GRM7: variants seen among roughly 807,000 people sequenced by gnomAD.
The protein encoded by GRM7 is metabotropic glutamate receptor 7.
GRM7 carries 35 observed loss-of-function variants against 84.5 expected under a neutral mutation model. The ratio of observed to expected loss-of-function variants is 0.41; its 90% CI spans 0.32 to 0.55. GRM7 has a LOEUF of 0.55. Ranked by LOEUF, GRM7 falls within the 20% of genes least tolerant of loss-of-function variation. GRM7 has a pLI of 0.19. For missense variants in GRM7, 1,003 were observed against 1,194.6 expected, an observed-to-expected ratio of 0.84 and a Z score of 2.36; for synonymous variants, 487 against 455.1, an observed-to-expected ratio of 1.07 and a Z score of -0.89.
intron 4 of GRM7, among the ~76,000 whole-genome samples, chr3:7,399,550 G>A (rs1193153883): frequency 1.3e-5 from 2 of 152,184 alleles, no homozygotes; most frequent in East Asian, 3.9e-4. Context: ...GTTTAGATAT[G>A]GTTTGTTTGG....
chr3:7,154,792 A>C (rs1165969169), intron 2 of GRM7, among the ~76,000 whole-genome samples: 2 of 152,106 alleles, frequency 1.3e-5, no homozygotes, highest in East Asian at 3.9e-4. Context: ...CATTATAATC[A>C]ATAAACTTTA....
At chr3:7,441,197 G>C (rs1229822280) in intron 5 of GRM7, among the ~76,000 whole-genome samples, 5 of 152,038 alleles carry the variant, frequency 3.3e-5, no homozygotes, top group Non-Finnish European at 5.9e-5. Flanking sequence ...GTGTGAGATG[G>C]TATCTAATTA....
At chr3:7,558,539 A>G (rs1280376566) in intron 7 of GRM7, among the ~76,000 whole-genome samples, 1 of 152,162 alleles carries the variant, frequency 6.6e-6, no homozygotes, top group Non-Finnish European at 1.5e-5. Context: ...AAAATAATAA[A>G]TAATAATGGT....
At chr3:7,556,859 A>G (rs2125031752) in intron 7 of GRM7, among the ~76,000 whole-genome samples, 1 of 152,286 alleles carries the variant, frequency 6.6e-6, no homozygotes, top group South Asian at 2.1e-4. Flanking sequence ...GGCAAAAGAA[A>G]GAAAAGCCAT....
At chr3:7,187,365 A>T (rs1180017589) in intron 2 of GRM7, among the ~76,000 whole-genome samples, 2 of 152,182 alleles carry the variant, frequency 1.3e-5, no homozygotes, top group African/African-American at 4.8e-5. Context: ...TTATATTATC[A>T]TCGCTTGTTT....
chr3:7,589,234 C>T (rs73809440), intron 8 of GRM7, among the ~76,000 whole-genome samples: 3,801 of 152,242 alleles, frequency 0.025, 132 homozygotes, highest in African/African-American at 0.081. Context: ...TTTCATGTTG[C>T]AGATCTTGAG....
At chr3:6,872,434 G>A (rs1428933615) in intron 1 of GRM7, among the ~76,000 whole-genome samples, 1 of 152,056 alleles carries the variant, frequency 6.6e-6, no homozygotes, top group East Asian at 1.9e-4. Context: ...TCAGTCTGGA[G>A]TGCAAGGATG....
chr3:7,400,963 T>A lies in GRM7; in HGVS notation c.1034-14060T>A, dbSNP rs199592973. On this transcript the variant is annotated intron_variant, in intron 4 of 9. Transcript: ENST00000357716. ...TCTTAGCCCAGTATAATCATTTAAA[T>A]TTTTTTTTTAGTAAGCATTAGCTGG... Among the ~76,000 whole-genome samples the A allele has an allele frequency of 2.7e-5, 4 of 150,312 alleles. No individual in the cohort carries two copies. The South Asian group carries it at 6.3e-4, about 24-fold the overall frequency.
At chr3:7,049,937 A>G (rs1237038819) in intron 1 of GRM7, among the ~76,000 whole-genome samples, 1 of 151,936 alleles carries the variant, frequency 6.6e-6, no homozygotes, top group Non-Finnish European at 1.5e-5. Flanking sequence ...AGACAAAGCA[A>G]AAACCATACC....
chr3:7,227,243 A>G (rs1207165243), intron 2 of GRM7, among the ~76,000 whole-genome samples: 2 of 152,218 alleles, frequency 1.3e-5, no homozygotes, highest in African/African-American at 4.8e-5. Flanking sequence ...ATTTATATGA[A>G]TCAATGGCAA....
At chr3:7,418,686 T>G (rs1242852318) in intron 5 of GRM7, among the ~76,000 whole-genome samples, 1 of 152,090 alleles carries the variant, frequency 6.6e-6, no homozygotes, top group Non-Finnish European at 1.5e-5. Flanking sequence ...TATGTTTCAA[T>G]GGAGATACTA....
intron 9 of GRM7, among the ~76,000 whole-genome samples, chr3:7,730,217 A>G (rs1377830700): frequency 6.6e-6 from 1 of 151,992 alleles, no homozygotes; most frequent in Non-Finnish European, 1.5e-5. Context: ...CATGTTGGCC[A>G]GGATGGTCTC....
At chr3:7,305,235 C>T (rs898398116) in intron 3 of GRM7, among the ~76,000 whole-genome samples, 3 of 151,992 alleles carry the variant, frequency 2.0e-5, no homozygotes, top group Admixed American at 6.6e-5. Context: ...CTCTTATCTA[C>T]CTTTTACTAT....
At chr3:7,049,681 A>G (rs749776685) in intron 1 of GRM7, among the ~76,000 whole-genome samples, 2 of 151,974 alleles carry the variant, frequency 1.3e-5, no homozygotes, top group Non-Finnish European at 2.9e-5. Flanking sequence ...CTATGGTTCT[A>G]TGAAAAATTA....
intron 2 of GRM7, among the ~76,000 whole-genome samples, chr3:7,161,894 T>A (rs887688709): frequency 6.6e-6 from 1 of 152,226 alleles, no homozygotes; most frequent in African/African-American, 2.4e-5. Context: ...GCTTACATTA[T>A]ATTGGCAGAT....
rs558165263 is a variant in GRM7 at position 7,395,712 on chromosome 3, C to T, written c.1034-19311C>T. Among the ~76,000 whole-genome samples, 107 of 152,252 alleles carry T rather than the reference C, an allele frequency of 7.0e-4. 1 individual carries two copies. The highest frequency in any genetic ancestry group is 2.1e-3 in the African/African-American group (88 of 41,540). ...GTAAGATATGACTTTGCTTCTTATT[C>T]GCTTTCCACCATGATTATGAGGCCT... On this transcript the variant is annotated intron_variant, in intron 4 of 9. Transcript: ENST00000357716.
chr3:7,175,611 C>T (rs1200372939), intron 2 of GRM7, among the ~76,000 whole-genome samples: 1 of 150,212 alleles, frequency 6.7e-6, no homozygotes, highest in Non-Finnish European at 1.5e-5. Flanking sequence ...GATCTCGGCT[C>T]ACTGCAACCT....
At chr3:7,093,307 C>A (rs941934913) in intron 1 of GRM7, among the ~76,000 whole-genome samples, 18 of 151,802 alleles carry the variant, frequency 1.2e-4, no homozygotes, top group African/African-American at 4.1e-4. Context: ...TTACTGGCTT[C>A]ATGACGTGTA....
intron 9 of GRM7, among the ~76,000 whole-genome samples, chr3:7,687,272 C>G (rs1025388601): frequency 1.3e-5 from 2 of 152,116 alleles, no homozygotes; most frequent in Admixed American, 1.3e-4. Flanking sequence ...CATGAGTGGG[C>G]TGGCATAAGA....
Sources: gnomAD v4.1 joint callset for allele counts (sites outside exome capture counted in the v4.1 genomes callset) on GRCh38, gnomAD v4.1.1 for gene constraint, MANE v1.5 for transcripts, NCBI Gene and HGNC (gene_info 2026-07-23, HGNC 2026-07-21) for gene names.